Variants in ANXA4 observed in about 807,000 individuals in gnomAD.
ANXA4 encodes the protein 35-beta calcimedin.
ANXA4 carries 39 observed loss-of-function variants against 49.8 expected under a neutral mutation model. The observed-to-expected ratio is 0.78, with a 90% CI of 0.61 to 1.02. The LOEUF is 1.02. Among genes scored for constraint, ANXA4 ranks in the 50% least tolerant of loss-of-function variants. The pLI is 0.00. For synonymous variants in ANXA4, 134 were observed against 152.5 expected (o/e 0.88, Z 0.89); for missense variants, 360 against 410.1 (o/e 0.88, Z 1.05).
intron 1 of ANXA4, among the ~76,000 whole-genome samples, chr2:69,646,510 A>C (rs545002866): frequency 1.3e-5 from 2 of 152,342 alleles, no homozygotes; most frequent in Admixed American, 1.3e-4. Context: ...ATCCTAGATG[A>C]ATTTTGAACT....
intron 2 of ANXA4, among the ~76,000 whole-genome samples, chr2:69,663,474 A>G (rs1451263088): frequency 1.3e-5 from 2 of 151,980 alleles, no homozygotes; most frequent in African/African-American, 4.8e-5. Flanking sequence ...GAAAACTTTG[A>G]GAAATCTACT....
intron 2 of ANXA4, among the ~76,000 whole-genome samples, chr2:69,787,239 CT>C (rs1400880098): frequency 6.6e-6 from 1 of 152,222 alleles, no homozygotes; most frequent in Non-Finnish European, 1.5e-5. Flanking sequence ...TTTCCATCGT[CT>C]CATAAATGTC....
At chr2:69,663,247 G>A (rs1676794421) in intron 2 of ANXA4, among the ~76,000 whole-genome samples, 1 of 137,054 alleles carries the variant, frequency 7.3e-6, no homozygotes, top group Non-Finnish European at 1.5e-5. Context: ...TCCCGTCTCG[G>A]CCTCCCAAAG....
chr2:69,763,196 G>A (rs1671366160), intron 1 of ANXA4, among the ~76,000 whole-genome samples: 1 of 152,142 alleles, frequency 6.6e-6, no homozygotes, highest in Non-Finnish European at 1.5e-5. Context: ...CCCTGCCCTG[G>A]CCCAGAGAGG....
intron 12 of ANXA4, among the ~76,000 whole-genome samples, chr2:69,824,694 T>C (rs1674388387): frequency 6.6e-6 from 1 of 152,130 alleles, no homozygotes; most frequent in African/African-American, 2.4e-5. Flanking sequence ...AGGGAGGATG[T>C]GATCAAATAA....
intron 3 of ANXA4, among the ~76,000 whole-genome samples, chr2:69,794,241 GT>G (rs1281348377): frequency 6.6e-6 from 1 of 152,208 alleles, no homozygotes; most frequent in Non-Finnish European, 1.5e-5. Context: ...CAACAGTCCT[GT>G]TACATTGTGT....
At chr2:69,679,440 C>T (rs758322361) in intron 2 of ANXA4, among the ~76,000 whole-genome samples, 5 of 152,208 alleles carry the variant, frequency 3.3e-5, no homozygotes, top group African/African-American at 4.8e-5. Context: ...ACATTTTCTC[C>T]TATTAAACAG....
intron 1 of ANXA4, among the ~76,000 whole-genome samples, chr2:69,646,918 C>T (rs1573045571): frequency 6.6e-6 from 1 of 152,204 alleles, no homozygotes; most frequent in African/African-American, 2.4e-5. Context: ...TAAGAGACTA[C>T]CAACCACAGA....
At chr2:69,725,678 A>T (rs1486320520) in intron 3 of ANXA4, among the ~76,000 whole-genome samples, 1 of 152,162 alleles carries the variant, frequency 6.6e-6, no homozygotes, top group Non-Finnish European at 1.5e-5. Context: ...GAGAAGAGCA[A>T]ACAGTGGGTG....
chr2:69,776,825 G>A (rs1223046512), intron 1 of ANXA4, among the ~76,000 whole-genome samples: 1 of 152,110 alleles, frequency 6.6e-6, no homozygotes, highest in Non-Finnish European at 1.5e-5. Flanking sequence ...GCTGTCCTGG[G>A]CCACATGTGG....
chr2:69,819,540 A>T (rs374910874), intron 11 of ANXA4, among the ~76,000 whole-genome samples: 6 of 152,140 alleles, frequency 3.9e-5, no homozygotes, highest in African/African-American at 1.4e-4. Flanking sequence ...TTTTTAATAG[A>T]TTAATTATAT....
At chr2:69,757,594 A>G (rs997519376) in intron 1 of ANXA4, among the ~76,000 whole-genome samples, 6 of 151,662 alleles carry the variant, frequency 4.0e-5, no homozygotes, top group African/African-American at 1.5e-4. Context: ...ATTTTAAAAG[A>G]TAAATCCCAA....
intron 1 of ANXA4, among the ~76,000 whole-genome samples, chr2:69,780,643 G>A (rs1338367376): frequency 6.6e-6 from 1 of 152,210 alleles, no homozygotes; most frequent in African/African-American, 2.4e-5. Flanking sequence ...TCGGGAGGCT[G>A]AGGCAGGAGG....
At chr2:69,724,264 A>C (rs1669899283) in intron 3 of ANXA4, among the ~76,000 whole-genome samples, 1 of 152,254 alleles carries the variant, frequency 6.6e-6, no homozygotes, top group Non-Finnish European at 1.5e-5. Flanking sequence ...TGGGCAAATG[A>C]GGTGCCAGGA....
At chr2:69,806,331 T>C in intron 4 of ANXA4, 54 bp from the exon 5 acceptor site, 4 of 1,305,950 alleles carry the variant, frequency 3.1e-6, no homozygotes, top group South Asian at 2.4e-5. Flanking sequence ...ACCTGGAGAG[T>C]AGCTGGTCTA....
chr2:69,707,490 T>C (rs1482339437), intron 2 of ANXA4, among the ~76,000 whole-genome samples: 1 of 152,238 alleles, frequency 6.6e-6, no homozygotes, highest in South Asian at 2.1e-4. Flanking sequence ...ATTTCAATGA[T>C]AATTATTTCC....
At chr2:69,752,703 C>A (rs996032453) in intron 1 of ANXA4, among the ~76,000 whole-genome samples, 2 of 152,222 alleles carry the variant, frequency 1.3e-5, no homozygotes, top group Admixed American at 6.5e-5. Context: ...CTGGCTAGCA[C>A]AGTGCTGCTG....
chr2:69,755,478 G>T (rs1223692345), intron 1 of ANXA4, among the ~76,000 whole-genome samples: 2 of 152,120 alleles, frequency 1.3e-5, no homozygotes, highest in Non-Finnish European at 2.9e-5. Context: ...ACGCATGGTG[G>T]CCTGCACCTG....
intron 3 of ANXA4, among the ~76,000 whole-genome samples, chr2:69,730,119 C>T (rs184377826): frequency 6.6e-6 from 1 of 152,182 alleles, no homozygotes; most frequent in Non-Finnish European, 1.5e-5. Context: ...GCGGGAGGAT[C>T]GCTTGAGGCC....
Sources: gnomAD v4.1 joint callset for allele counts (sites outside exome capture counted in the v4.1 genomes callset) on GRCh38, gnomAD v4.1.1 for gene constraint, MANE v1.5 for transcripts, NCBI Gene and HGNC (gene_info 2026-07-23, HGNC 2026-07-21) for gene names.